C19orf18: variants seen among roughly 807,000 people sequenced by gnomAD.
C19orf18 encodes the protein uncharacterized protein C19orf18.
Under a neutral mutation model 23.3 loss-of-function variants are expected in C19orf18, and 21 were observed. The observed-to-expected ratio is 0.90, with a 90% CI of 0.64 to 1.30. The LOEUF (loss-of-function observed/expected upper bound fraction) is 1.30, where lower values mean the gene tolerates loss of function less well. Ranked by LOEUF, C19orf18 falls within the 50% of genes most tolerant of loss-of-function variation. The pLI, the probability that C19orf18 is intolerant of heterozygous loss-of-function variation, is 0.00. For missense variants in C19orf18, 249 were observed against 259.6 expected (o/e 0.96, Z 0.28); for synonymous variants, 96 against 95.2 (o/e 1.01, Z -0.05).
chr19:57,969,579 A>AAAAAAAAAAAAAAAAAAAAAC (rs2072931231), intron 3 of C19orf18, among the ~76,000 whole-genome samples: 1 of 126,516 alleles, frequency 7.9e-6, no homozygotes, highest in Non-Finnish European at 1.9e-5. Flanking sequence ...AAAAAAAAAA[A>AAAAAAAAAAAAAAAAAAAAAC]AAAAAAAAAA....
intron 2 of C19orf18, 30 bp from the exon 3 acceptor site, chr19:57,972,534 AAG>A: frequency 6.2e-7 from 1 of 1,610,192 alleles, no homozygotes; most frequent in Non-Finnish European, 8.5e-7. Flanking sequence ...GATCAAAAAG[AAG>A]AGACTTTAAG....
At chr19:57,972,952 A>C (rs761588138) in intron 2 of C19orf18, among the ~76,000 whole-genome samples, 5 of 151,914 alleles carry the variant, frequency 3.3e-5, no homozygotes, top group Non-Finnish European at 5.9e-5. Flanking sequence ...GTTCGAGACC[A>C]GCCTGACCAA....
chr19:57,967,147 T>C (rs1401342182), intron 3 of C19orf18, among the ~76,000 whole-genome samples: 2 of 151,226 alleles, frequency 1.3e-5, no homozygotes, highest in African/African-American at 2.4e-5. Flanking sequence ...AAGAGGTCAC[T>C]AGAGACCTGG....
chr19:57,965,776 T>A (rs1037512949), intron 4 of C19orf18, among the ~76,000 whole-genome samples: 1 of 151,686 alleles, frequency 6.6e-6, no homozygotes, highest in African/African-American at 2.4e-5. Context: ...GTAGAAAAAA[T>A]AAAATAAAAT....
rs1325217530 is a variant in C19orf18 at position 57,974,299 on chromosome 19, T to C, written c.121+13A>G. On this transcript the variant is annotated intron_variant, in intron 1 of 5. Coordinates refer to ENST00000314391, the MANE Select transcript of C19orf18 (RefSeq NM_152474.5). ...TTCTCCCTGAGTCACATAAAACCAG[T>C]GGTTGAAGCTACCTGGTAAGCCTGT... is the stretch of plus-strand genomic sequence containing the variant. 1 of 1,614,106 alleles carries C rather than the reference T, an allele frequency of 6.2e-7. No homozygotes were observed. Among genetic ancestry groups the C allele is most frequent in the Non-Finnish European group, 8.5e-7 (1 of 1,180,000 alleles).
chr19:57,965,892 CTGTG>C (rs911287697), intron 4 of C19orf18, among the ~76,000 whole-genome samples: 1 of 151,714 alleles, frequency 6.6e-6, no homozygotes, highest in Non-Finnish European at 1.5e-5. Context: ...AACCGTGTGT[CTGTG>C]TGTGTGTGCA....
chr19:57,961,663 C>CTT, intron 4 of C19orf18, 112 bp from the exon 5 acceptor site: 1 of 1,206,572 alleles, frequency 8.3e-7, no homozygotes, highest in South Asian at 1.4e-5. Flanking sequence ...TGGGTGCAGA[C>CTT]ATAAGACTTT....
At chr19:57,973,594 G>A (rs973092225) in intron 2 of C19orf18, among the ~76,000 whole-genome samples, 9 of 151,822 alleles carry the variant, frequency 5.9e-5, no homozygotes, top group Admixed American at 1.3e-4. Context: ...GCGTGGTGGC[G>A]GGTGCCTGTA....
chr19:57,961,310 C>T (rs1450969118), intron 5 of C19orf18, 81 bp downstream of exon 5: 1 of 1,352,678 alleles, frequency 7.4e-7, no homozygotes, highest in Non-Finnish European at 1.0e-6. Flanking sequence ...TGCAAGCCAC[C>T]GCTGAGAAAG....
chr19:57,974,298 G>A lies in C19orf18; in HGVS notation c.121+14C>T. On this transcript the variant is annotated intron_variant, in intron 1 of 5. Transcript: ENST00000314391. Reference sequence around the variant, plus strand: ...ATTCTCCCTGAGTCACATAAAACCAGTGGTTGAAGCTACCTGGTAAGCCTG... The same window carrying A: ...ATTCTCCCTGAGTCACATAAAACCAATGGTTGAAGCTACCTGGTAAGCCTG... The A allele has an allele frequency of 6.2e-7, 1 of 1,614,120 alleles. No homozygotes were observed.
At chr19:57,969,130 G>T (rs1190703300) in intron 3 of C19orf18, among the ~76,000 whole-genome samples, 1 of 152,122 alleles carries the variant, frequency 6.6e-6, no homozygotes, top group Non-Finnish European at 1.5e-5. Context: ...CGTGTGTGGT[G>T]GGCCATGTCT....
chr19:57,960,183 T>C (rs867559536), intron 5 of C19orf18, among the ~76,000 whole-genome samples: 13 of 151,786 alleles, frequency 8.6e-5, no homozygotes, highest in Admixed American at 2.6e-4. Context: ...TCCCAGCACT[T>C]TGGGAGGCTG....
chr19:57,966,171 G>T (rs1054148689), intron 4 of C19orf18, among the ~76,000 whole-genome samples: 8 of 151,926 alleles, frequency 5.3e-5, no homozygotes, highest in Non-Finnish European at 1.2e-4. Flanking sequence ...TAGATACGGG[G>T]TTTCACCGTG....
chr19:57,965,963 T>G (rs1047726081), intron 4 of C19orf18, among the ~76,000 whole-genome samples: 6 of 151,766 alleles, frequency 4.0e-5, no homozygotes, highest in Admixed American at 3.9e-4. Context: ...ATACTTTAAG[T>G]AATATTTTCT....
chr19:57,974,198 T>G lies in C19orf18; in HGVS notation c.127A>C (p.Lys43Gln). Residue 43 changes from lysine (K) to glutamine (Q), a missense_variant, in exon 2 of 6, where the codon AAA becomes CAA. Physicochemically the swap from Lys to Gln is moderately conservative, Grantham distance 53. Transcript: ENST00000314391. Reference sequence around the variant, plus strand: ...ATGTTTCTGGGTGGTTGTGACCGTTTACTGCCTTGAAAAGAAAACTTTTTG... The same window carrying G: ...ATGTTTCTGGGTGGTTGTGACCGTTGACTGCCTTGAAAAGAAAACTTTTTG... ...TGNITGLPGS[K>Q]RSQPPRNITK... 1 of 1,614,112 alleles carries G rather than the reference T, an allele frequency of 6.2e-7. No homozygotes were observed. The highest frequency in any genetic ancestry group is 8.5e-7 in the Non-Finnish European group (1 of 1,180,010).
At chr19:57,966,470 A>T in intron 4 of C19orf18, 60 bp downstream of exon 4, 1 of 1,030,126 alleles carries the variant, frequency 9.7e-7, no homozygotes, top group East Asian at 2.4e-5. Flanking sequence ...ATTAAATAAT[A>T]ATCAGTTGAC....
At chr19:57,967,221 G>C (rs2072915024) in intron 3 of C19orf18, among the ~76,000 whole-genome samples, 1 of 152,196 alleles carries the variant, frequency 6.6e-6, no homozygotes, top group East Asian at 1.9e-4. Context: ...GGAGTGAGAA[G>C]AAAGTAACTG....
At chr19:57,960,759 G>A (rs2072863533) in intron 5 of C19orf18, among the ~76,000 whole-genome samples, 1 of 152,206 alleles carries the variant, frequency 6.6e-6, no homozygotes, top group Non-Finnish European at 1.5e-5. Flanking sequence ...AAGGAACTGA[G>A]CAACCCCACA....
intron 2 of C19orf18, 146 bp from the exon 3 acceptor site, chr19:57,972,650 T>C: frequency 3.5e-6 from 3 of 851,710 alleles, no homozygotes; most frequent in Non-Finnish European, 5.4e-6. Context: ...GTTAATACAT[T>C]CCTCCCAATG....
Sources: allele counts gnomAD v4.1 joint callset (sites outside exome capture counted in the v4.1 genomes callset), GRCh38; gene constraint gnomAD v4.1.1; transcripts MANE v1.5; gene names NCBI Gene and HGNC (gene_info 2026-07-23, HGNC 2026-07-21).